The following FRMD5 variants were observed in gnomAD, a reference collection of about 807,000 sequenced individuals.
FRMD5 encodes FERM domain containing 5.
In FRMD5, 20 loss-of-function variants were observed where a neutral mutation model predicts 69.0. The observed-to-expected ratio is 0.29, with a 90% CI of 0.20 to 0.42. The LOEUF (loss-of-function observed/expected upper bound fraction) is 0.42, where lower values mean the gene tolerates loss of function less well. FRMD5 is among the 10% of genes least tolerant of loss of function. FRMD5 has a pLI of 1.00. For synonymous variants in FRMD5, 271 were observed against 260.1 expected (o/e 1.04, Z -0.40); for missense variants, 595 against 708.6 (o/e 0.84, Z 1.82).
intron 1 of FRMD5, among the ~76,000 whole-genome samples, chr15:44,161,449 C>G (rs145622997): frequency 3.4e-4 from 52 of 152,280 alleles, no homozygotes; most frequent in African/African-American, 1.2e-3. Context: ...TGCTGTGATT[C>G]AAAGAGTGCC....
chr15:44,064,706 T>C (rs144810766), intron 1 of FRMD5, among the ~76,000 whole-genome samples: 1 of 152,232 alleles, frequency 6.6e-6, no homozygotes, highest in Non-Finnish European at 1.5e-5. Flanking sequence ...TGTAGTCTTA[T>C]ATTACCTCCA....
intron 1 of FRMD5, among the ~76,000 whole-genome samples, chr15:43,985,088 G>A (rs1372908370): frequency 4.0e-5 from 6 of 151,530 alleles, no homozygotes; most frequent in African/African-American, 7.3e-5. Context: ...AGACCATCCC[G>A]GCTAACATGG....
chr15:43,957,943 T>A (rs1323968683), intron 1 of FRMD5, among the ~76,000 whole-genome samples: 3 of 152,216 alleles, frequency 2.0e-5, no homozygotes, highest in African/African-American at 4.8e-5. Context: ...TATGCTTATG[T>A]CATTTTCACA....
At chr15:43,990,111 T>C in intron 1 of FRMD5, 1 of 646,448 alleles carries the variant, frequency 1.5e-6, no homozygotes, top group Non-Finnish European at 2.9e-6. Flanking sequence ...GGGGTGGGCA[T>C]CGTCACCTGC....
chr15:44,125,086 C>A (rs1442222660), intron 1 of FRMD5, among the ~76,000 whole-genome samples: 1 of 152,090 alleles, frequency 6.6e-6, no homozygotes, highest in East Asian at 1.9e-4. Flanking sequence ...AGGGTGTTTT[C>A]TTAGGTTGTC....
chr15:43,966,724 TGG>T (rs941851768), intron 1 of FRMD5, among the ~76,000 whole-genome samples: 2 of 152,096 alleles, frequency 1.3e-5, no homozygotes, highest in Admixed American at 6.6e-5. Context: ...AGAACATGAA[TGG>T]TTGTGAGGTA....
intron 1 of FRMD5, among the ~76,000 whole-genome samples, chr15:44,081,412 A>G (rs928473667): frequency 2.0e-5 from 3 of 152,122 alleles, no homozygotes; most frequent in Non-Finnish European, 2.9e-5. Flanking sequence ...GCAAATCGGC[A>G]TTGTGATTCA....
intron 1 of FRMD5, among the ~76,000 whole-genome samples, chr15:43,954,449 G>A (rs2090083505): frequency 3.3e-5 from 5 of 152,156 alleles, no homozygotes; most frequent in Admixed American, 3.3e-4. Context: ...TTCAAATGTA[G>A]GGGATGAGTG....
intron 1 of FRMD5, among the ~76,000 whole-genome samples, chr15:43,956,859 T>C (rs867558659): frequency 3.3e-5 from 5 of 152,216 alleles, no homozygotes; most frequent in Admixed American, 6.5e-5. Flanking sequence ...AACTTAATGA[T>C]TGGGCCTTTT....
rs192022728 is a variant in FRMD5 at position 43,953,353 on chromosome 15, C to T, written c.103-29044G>A. ...TTCTGGGATTTTCTCTGGTAGCATCCCCATCCCTCAAGCATGGCTCAATCC... is the reference window on the plus strand; with the variant it reads ...TTCTGGGATTTTCTCTGGTAGCATCTCCATCCCTCAAGCATGGCTCAATCC... On this transcript the variant is annotated intron_variant, in intron 1 of 13. Coordinates refer to ENST00000417257, the MANE Select transcript of FRMD5 (RefSeq NM_032892.5). Among the ~76,000 whole-genome samples, 681 of 152,292 alleles carry T rather than the reference C, an allele frequency of 4.5e-3. 8 individuals are homozygous for T. The highest frequency in any genetic ancestry group is 0.015 in the African/African-American group (640 of 41,548).
chr15:43,898,162 T>C (rs1412221555), intron 7 of FRMD5, among the ~76,000 whole-genome samples: 2 of 152,150 alleles, frequency 1.3e-5, no homozygotes, highest in Non-Finnish European at 1.5e-5. Flanking sequence ...TGTGCTTAGT[T>C]CCTAAATTCC....
intron 1 of FRMD5, among the ~76,000 whole-genome samples, chr15:44,133,310 C>T (rs1050614936): frequency 1.3e-5 from 2 of 151,756 alleles, no homozygotes; most frequent in African/African-American, 4.8e-5. Context: ...GGCACGGTGG[C>T]TCACATCTGT....
At chr15:44,086,561 A>G (rs1894204531) in intron 1 of FRMD5, among the ~76,000 whole-genome samples, 1 of 152,152 alleles carries the variant, frequency 6.6e-6, no homozygotes, top group South Asian at 2.1e-4. Flanking sequence ...CAGGTAGGAG[A>G]GAAATAGGAG....
chr15:43,990,720 T>C (rs915893254), intron 1 of FRMD5, among the ~76,000 whole-genome samples: 1 of 152,150 alleles, frequency 6.6e-6, no homozygotes, highest in African/African-American at 2.4e-5. Flanking sequence ...AAGATTGCCA[T>C]GGAAAATGAA....
chr15:44,004,620 T>C (rs1032063514), intron 1 of FRMD5, among the ~76,000 whole-genome samples: 1 of 152,260 alleles, frequency 6.6e-6, no homozygotes, highest in Non-Finnish European at 1.5e-5. Flanking sequence ...ATGTTTTATG[T>C]GTCCTCACAG....
At position 43,990,154 on chromosome 15, in the gene FRMD5, C is replaced by A. The variant is rs932101405; in HGVS notation, c.103-65845G>T. On this transcript the variant is annotated intron_variant, in intron 1 of 13. Transcript: ENST00000417257. ...GCCTTGCACATGCCAGAGCCATTGT[C>A]GACGACAAGCATGGTGATATCATCA... The A allele has an allele frequency of 2.1e-5, 12 of 578,930 alleles. No homozygotes were observed. The African/African-American group carries it at 2.2e-4, about 11-fold the overall frequency. 35.9% of individuals were successfully genotyped at this position (578,930 alleles called of 1,614,324 possible). A position where few individuals can be genotyped will look rare whatever the true frequency, so the allele number is the denominator to read the frequency against.
chr15:44,059,126 A>G (rs541817446), intron 1 of FRMD5, among the ~76,000 whole-genome samples: 2 of 152,346 alleles, frequency 1.3e-5, no homozygotes, highest in East Asian at 1.9e-4. Flanking sequence ...CATCAATCAC[A>G]AACTACAGAA....
chr15:44,022,992 A>G (rs1891277959), intron 1 of FRMD5, among the ~76,000 whole-genome samples: 1 of 152,196 alleles, frequency 6.6e-6, no homozygotes, highest in Admixed American at 6.5e-5. Flanking sequence ...GGAAAAAAGC[A>G]ATGGGGCAAA....
intron 1 of FRMD5, among the ~76,000 whole-genome samples, chr15:43,946,080 T>C (rs897314990): frequency 6.6e-6 from 1 of 151,446 alleles, no homozygotes; most frequent in African/African-American, 2.4e-5. Context: ...TTCCCCAAAG[T>C]CTCACTTCCT....
Sources: allele counts gnomAD v4.1 joint callset (sites outside exome capture counted in the v4.1 genomes callset), GRCh38; gene constraint gnomAD v4.1.1; transcripts MANE v1.5; gene names NCBI Gene and HGNC (gene_info 2026-07-23, HGNC 2026-07-21).